SHANK2: variants seen among roughly 807,000 people sequenced by gnomAD.
The protein encoded by SHANK2 is SH3 and multiple ankyrin repeat domains protein 2.
SHANK2 carries 43 observed loss-of-function variants against 133.7 expected under a neutral mutation model. The ratio of observed to expected loss-of-function variants is 0.32; its 90% confidence interval spans 0.25 to 0.41. The LOEUF (loss-of-function observed/expected upper bound fraction) is 0.41, where lower values mean the gene tolerates loss of function less well. Ranked by LOEUF, SHANK2 falls within the 10% of genes least tolerant of loss-of-function variation. SHANK2 has a pLI of 1.00. For synonymous variants in SHANK2, 1,017 were observed against 952.8 expected, an observed-to-expected ratio of 1.07 and a Z score of -1.24; for missense variants, 1,994 against 2,235.8, an observed-to-expected ratio of 0.89 and a Z score of 2.18.
rs114451878 is a variant in SHANK2, at chr11:71,189,402, T to G, written c.-13+35295A>C. Among the ~76,000 whole-genome samples, 1,025 of 152,296 alleles carry G rather than the reference T, an allele frequency of 6.7e-3. 10 individuals are homozygous for G. The highest frequency in any genetic ancestry group is 0.024 in the African/African-American group (992 of 41,556). On this transcript the variant is annotated intron_variant, in intron 2 of 25. Coordinates refer to ENST00000601538, the MANE Select transcript of SHANK2 (RefSeq NM_012309.5). The stretch of plus-strand genomic sequence containing the variant: ...TCACCCCAACTTTATTATTTTTTAT[T>G]CTTTTTCTTTTTGAGATTGAGTCCC...
chr11:70,666,347 A>C (rs1944677202), intron 15 of SHANK2, among the ~76,000 whole-genome samples: 1 of 152,180 alleles, frequency 6.6e-6, no homozygotes, highest in Non-Finnish European at 1.5e-5. Context: ...CTGTGTCTGA[A>C]AGGCGGAACT....
chr11:70,646,222 T>C (rs2061258817), intron 17 of SHANK2: 2 of 152,180 alleles, frequency 1.3e-5, no homozygotes, highest in African/African-American at 2.4e-5. Context: ...GCTGGAAAGA[T>C]CGTTTCCCTT....
At chr11:70,711,504 C>CA (rs1555026110) in intron 14 of SHANK2, among the ~76,000 whole-genome samples, 3 of 152,268 alleles carry the variant, frequency 2.0e-5, no homozygotes, top group Non-Finnish European at 2.9e-5. Flanking sequence ...TGCTGATGGG[C>CA]TCCTTGCAAG....
At chr11:71,061,703 G>T (rs992262171) in intron 9 of SHANK2, among the ~76,000 whole-genome samples, 1 of 152,150 alleles carries the variant, frequency 6.6e-6, no homozygotes, top group Non-Finnish European at 1.5e-5. Flanking sequence ...TGGGCCCATC[G>T]GGGTGTCACC....
At chr11:71,204,209 T>C (rs895125495) in intron 2 of SHANK2, among the ~76,000 whole-genome samples, 2 of 150,634 alleles carry the variant, frequency 1.3e-5, no homozygotes, top group Non-Finnish European at 2.9e-5. Context: ...ATAAGTTACT[T>C]TTATAAAAGT....
At chr11:70,904,516 T>G (rs1363992653) in intron 10 of SHANK2, among the ~76,000 whole-genome samples, 9 of 150,824 alleles carry the variant, frequency 6.0e-5, no homozygotes, top group Non-Finnish European at 1.0e-4. Flanking sequence ...ATGGGTTTTT[T>G]TTTTTTTTTT....
At chr11:70,784,358 T>TTG (rs1947597255) in intron 14 of SHANK2, among the ~76,000 whole-genome samples, 1 of 134,862 alleles carries the variant, frequency 7.4e-6, no homozygotes, top group South Asian at 2.4e-4. Context: ...TTTTTTTTTT[T>TTG]TTTTTTTTTT....
rs181935527 is a variant in SHANK2 at position 70,527,274 on chromosome 11, G to A, written c.2062-24343C>T. ...TCCTGTAGTTAAAGCCTCCTGGGGA[G>A]GGTGTGGTGCCGGCCTGGCTGTGGA... On this transcript the variant is annotated intron_variant, in intron 17 of 25. Transcript: ENST00000601538. 4.9e-3 allele frequency among the ~76,000 whole-genome samples: 741 copies of A among 152,354 alleles called. 4 individuals are homozygous for A. The highest frequency in any genetic ancestry group is 7.5e-3 in the Admixed American group (115 of 15,308).
At position 70,533,105 on chromosome 11, in the gene SHANK2, G is replaced by A. The variant is rs572638510; in HGVS notation, c.2062-30174C>T. Among the ~76,000 whole-genome samples the A allele has an allele frequency of 1.4e-4, 21 of 152,352 alleles. No individual in the cohort carries two copies. The East Asian group carries it at 3.9e-3, about 28-fold the overall frequency. On this transcript the variant is annotated intron_variant, in intron 17 of 25. Transcript: ENST00000601538. Reference sequence around the variant, plus strand: ...GGCTGGGGGGAGGGGCAATGGGAGGGACGGCCCTTGGGGACGGGGTTTCCT... The same window carrying A: ...GGCTGGGGGGAGGGGCAATGGGAGGAACGGCCCTTGGGGACGGGGTTTCCT...
chr11:71,063,863 A>G (rs1345375280), intron 9 of SHANK2, among the ~76,000 whole-genome samples: 3 of 152,114 alleles, frequency 2.0e-5, no homozygotes, highest in Admixed American at 6.5e-5. Context: ...GTACCTCCCC[A>G]CGAAGGAGCG....
chr11:70,756,645 C>G lies in SHANK2; in HGVS notation c.1777+41798G>C, dbSNP rs372034342. ...TCATACTGGACCCTGCTTTCTGCCA[C>G]TAGCAGGGGAAGACGGGGAGGCTTG... On this transcript the variant is annotated intron_variant, in intron 14 of 25. Transcript: ENST00000601538. Among the ~76,000 whole-genome samples, 6 of 152,346 alleles carry G rather than the reference C, an allele frequency of 3.9e-5. No individual in the cohort carries two copies. The East Asian group carries it at 1.2e-3, about 29-fold the overall frequency.
intron 17 of SHANK2, among the ~76,000 whole-genome samples, chr11:70,648,447 C>T (rs2061297997): frequency 6.6e-6 from 1 of 152,096 alleles, no homozygotes; most frequent in Admixed American, 6.5e-5. Flanking sequence ...TGGCAGCATC[C>T]CTGGTTTTTT....
At chr11:70,598,698 A>T (rs1281291109) in intron 17 of SHANK2, among the ~76,000 whole-genome samples, 1 of 152,244 alleles carries the variant, frequency 6.6e-6, no homozygotes, top group Non-Finnish European at 1.5e-5. Flanking sequence ...ATTTGGCAAC[A>T]TATTAAAAAG....
intron 11 of SHANK2, among the ~76,000 whole-genome samples, chr11:70,866,118 T>C (rs1949353847): frequency 6.6e-6 from 1 of 152,010 alleles, no homozygotes; most frequent in Admixed American, 6.5e-5. Context: ...CCTAGGGTGG[T>C]CTCCACTTTC....
chr11:70,833,119 A>G (rs527887068), intron 11 of SHANK2, among the ~76,000 whole-genome samples: 1 of 152,352 alleles, frequency 6.6e-6, no homozygotes, highest in East Asian at 1.9e-4. Context: ...CATCAGACAC[A>G]TGGGCCAGGA....
In SHANK2 at chr11:71,081,285, G is replaced by A. The variant is rs1365499249; in HGVS notation, c.913-6010C>T. 4.6e-5 allele frequency among the ~76,000 whole-genome samples: 7 copies of A among 152,332 alleles called. No individual in the cohort carries two copies. The East Asian group carries it at 1.4e-3, about 29-fold the overall frequency. On this transcript the variant is annotated intron_variant, in intron 8 of 25. Transcript: ENST00000601538. The stretch of plus-strand genomic sequence containing the variant: ...AACTGTGAGATAATGAATGTCTATT[G>A]TTTGAGGAACTTTGCAGTGGCAGCC...
chr11:70,522,648 G>A (rs1554971282), intron 17 of SHANK2, among the ~76,000 whole-genome samples: 2 of 152,234 alleles, frequency 1.3e-5, no homozygotes, highest in African/African-American at 4.8e-5. Flanking sequence ...CCCGGCTCCA[G>A]CTCCGCGGGC....
chr11:70,520,287 A>T (rs1476784442), intron 17 of SHANK2, among the ~76,000 whole-genome samples: 6 of 152,160 alleles, frequency 3.9e-5, no homozygotes, highest in Admixed American at 3.9e-4. Context: ...TGTCTGTCCC[A>T]GGATCTGTCC....
Position 71,241,565 on chromosome 11 carries a change from G to C in SHANK2, c.-113+10860C>G, listed in dbSNP as rs1954893419. Among the ~76,000 whole-genome samples, 3 of 152,164 alleles carry C rather than the reference G, an allele frequency of 2.0e-5. No individual in the cohort carries two copies. The East Asian group carries it at 5.8e-4, about 29-fold the overall frequency. ...CTAATCAGTTAATCAGCTACATTTT[G>C]CAGGAGACACTCTCCCCCCTGCTAC... On this transcript the variant is annotated intron_variant, in intron 1 of 25. Coordinates refer to ENST00000601538, the MANE Select transcript of SHANK2 (RefSeq NM_012309.5).
Sources: gnomAD v4.1 joint callset for allele counts (sites outside exome capture counted in the v4.1 genomes callset) on GRCh38, gnomAD v4.1.1 for gene constraint, MANE v1.5 for transcripts, NCBI Gene and HGNC (gene_info 2026-07-23, HGNC 2026-07-21) for gene names.